The following CHCHD6 variants were observed in gnomAD, a reference collection of about 807,000 sequenced individuals.
CHCHD6 encodes the protein coiled-coil-helix-coiled-coil-helix domain containing 6, also known as MICOS complex subunit MIC25.
Under a neutral mutation model 32.3 loss-of-function variants are expected in CHCHD6, and 28 were observed. The observed-to-expected ratio is 0.87, with a 90% CI of 0.64 to 1.19. The LOEUF (loss-of-function observed/expected upper bound fraction) is 1.19. Among genes scored for constraint, CHCHD6 ranks in the 50% most tolerant of loss-of-function variants. The probability of loss-of-function intolerance (pLI) is 0.00; values close to 1 mark genes in which losing one functional copy is unlikely to be tolerated. For missense variants in CHCHD6, 333 were observed against 307.0 expected (o/e 1.08, Z -0.63); for synonymous variants, 122 against 117.5 (o/e 1.04, Z -0.25).
At position 126,704,279 on chromosome 3, in the gene CHCHD6, G is replaced by C. The variant is rs755642296; in HGVS notation, c.-34G>C. 1.3e-6 allele frequency: 2 copies of C among 1,572,648 alleles called. No homozygotes were observed. The highest frequency in any genetic ancestry group is 2.7e-5 in the African/African-American group (2 of 74,192). The stretch of plus-strand genomic sequence containing the variant: ...CCGGTTGCTCTGGAGCCGGGTCTCG[G>C]GTCTGGTGGCTGCCGGCCCTGCGGC... On this transcript the variant is annotated 5_prime_UTR_variant, in exon 1 of 8. Transcript: ENST00000290913.
chr3:126,924,093 C>T (rs2078291055), intron 6 of CHCHD6, among the ~76,000 whole-genome samples: 3 of 152,158 alleles, frequency 2.0e-5, no homozygotes, highest in Non-Finnish European at 4.4e-5. Context: ...TAACACAATT[C>T]CCCCAACCCT....
chr3:126,882,115 CCTT>C (rs2077618641), intron 5 of CHCHD6, among the ~76,000 whole-genome samples: 1 of 152,172 alleles, frequency 6.6e-6, no homozygotes, highest in Admixed American at 6.5e-5. Context: ...CCCATAGTGT[CCTT>C]CTCAGGGTAT....
chr3:126,906,523 T>G (rs1300116443), intron 5 of CHCHD6, among the ~76,000 whole-genome samples: 1 of 152,208 alleles, frequency 6.6e-6, no homozygotes, highest in Non-Finnish European at 1.5e-5. Flanking sequence ...TCTTGCTGCT[T>G]TACGCCGGGT....
At chr3:126,821,879 G>C (rs1940171381) in intron 4 of CHCHD6, among the ~76,000 whole-genome samples, 1 of 152,138 alleles carries the variant, frequency 6.6e-6, no homozygotes, top group Admixed American at 6.5e-5. Flanking sequence ...CTTCTTTGAA[G>C]AAATGTCTAT....
chr3:126,787,689 T>C (rs1342531135), intron 4 of CHCHD6, among the ~76,000 whole-genome samples: 2 of 152,252 alleles, frequency 1.3e-5, no homozygotes, highest in African/African-American at 2.4e-5. Flanking sequence ...TCCTGAGACT[T>C]TGCTGAAGTT....
At chr3:126,725,394 G>T (rs982653917) in intron 1 of CHCHD6, among the ~76,000 whole-genome samples, 1 of 152,204 alleles carries the variant, frequency 6.6e-6, no homozygotes, top group Non-Finnish European at 1.5e-5. Flanking sequence ...TGGGCTTAAA[G>T]TATTCAGTAA....
intron 4 of CHCHD6, among the ~76,000 whole-genome samples, chr3:126,742,718 A>G (rs1363868192): frequency 2.0e-5 from 3 of 152,186 alleles, no homozygotes; most frequent in Non-Finnish European, 4.4e-5. Flanking sequence ...GCACCACCTC[A>G]GGACTTCTCA....
At chr3:126,862,546 A>ACCT (rs1301461934) in intron 5 of CHCHD6, among the ~76,000 whole-genome samples, 3 of 69,896 alleles carry the variant, frequency 4.3e-5, no homozygotes, top group African/African-American at 1.1e-4. Flanking sequence ...CACCATCACC[A>ACCT]CCTCCTCCTC....
intron 4 of CHCHD6, among the ~76,000 whole-genome samples, chr3:126,851,943 G>GT (rs1559880892): frequency 6.6e-6 from 1 of 152,214 alleles, no homozygotes; most frequent in Non-Finnish European, 1.5e-5. Flanking sequence ...CCAGCCTCAG[G>GT]TTGCTTGCCC....
intron 5 of CHCHD6, among the ~76,000 whole-genome samples, chr3:126,892,932 T>C (rs1270058630): frequency 1.3e-5 from 2 of 152,040 alleles, no homozygotes; most frequent in African/African-American, 4.8e-5. Context: ...TTGTTTTTGT[T>C]TTTCTTTTTT....
intron 6 of CHCHD6, among the ~76,000 whole-genome samples, chr3:126,933,693 C>T (rs951235198): frequency 6.6e-6 from 1 of 152,160 alleles, no homozygotes; most frequent in Admixed American, 6.5e-5. Context: ...CCAGACACCT[C>T]CCACCAGACC....
intron 4 of CHCHD6, among the ~76,000 whole-genome samples, chr3:126,852,056 C>T (rs931043541): frequency 1.3e-5 from 2 of 152,194 alleles, no homozygotes; most frequent in African/African-American, 4.8e-5. Context: ...GAGGAAGCAG[C>T]GCCTCTCCAG....
intron 1 of CHCHD6, among the ~76,000 whole-genome samples, chr3:126,725,093 A>G (rs1417691457): frequency 6.6e-6 from 1 of 152,238 alleles, no homozygotes; most frequent in Non-Finnish European, 1.5e-5. Context: ...TAATGGCATC[A>G]GAATAGTGAG....
intron 4 of CHCHD6, among the ~76,000 whole-genome samples, chr3:126,757,875 G>T (rs1268498447): frequency 6.6e-6 from 1 of 152,026 alleles, no homozygotes; most frequent in African/African-American, 2.4e-5. Context: ...AAAAGAAGAG[G>T]GAGGAGAAAG....
intron 1 of CHCHD6, among the ~76,000 whole-genome samples, chr3:126,725,103 G>A (rs1230649664): frequency 6.6e-6 from 1 of 152,178 alleles, no homozygotes; most frequent in Non-Finnish European, 1.5e-5. Flanking sequence ...AGAATAGTGA[G>A]TCCTTTCCTT....
chr3:126,908,005 C>T (rs1463362694), intron 5 of CHCHD6, among the ~76,000 whole-genome samples: 1 of 152,166 alleles, frequency 6.6e-6, no homozygotes, highest in African/African-American at 2.4e-5. Flanking sequence ...TGCTGAACCT[C>T]AGTTTCTTCA....
At chr3:126,805,516 G>A (rs973242452) in intron 4 of CHCHD6, among the ~76,000 whole-genome samples, 8 of 152,036 alleles carry the variant, frequency 5.3e-5, no homozygotes, top group Non-Finnish European at 5.9e-5. Context: ...ACCTCTTCAA[G>A]GAGAACTACA....
chr3:126,797,529 G>A (rs1174348814), intron 4 of CHCHD6, among the ~76,000 whole-genome samples: 4 of 152,204 alleles, frequency 2.6e-5, no homozygotes, highest in Non-Finnish European at 5.9e-5. Context: ...GAGGCCCTGA[G>A]TTTACCGTGG....
At chr3:126,921,339 T>A (rs769220323) in intron 6 of CHCHD6, among the ~76,000 whole-genome samples, 1 of 152,134 alleles carries the variant, frequency 6.6e-6, no homozygotes, top group Non-Finnish European at 1.5e-5. Context: ...TTTGGAAGAA[T>A]CCTGTTGTTA....
Sources: allele counts gnomAD v4.1 joint callset (sites outside exome capture counted in the v4.1 genomes callset), GRCh38; gene constraint gnomAD v4.1.1; transcripts MANE v1.5; gene names NCBI Gene and HGNC (gene_info 2026-07-23, HGNC 2026-07-21).